Variants in KCNH7 observed in about 807,000 individuals in gnomAD.
KCNH7 encodes the protein potassium voltage-gated channel subfamily H member 7, also known as voltage-gated inwardly rectifying potassium channel KCNH7.
In KCNH7, 49 loss-of-function variants were observed where a neutral mutation model predicts 120.8. That is an observed-to-expected ratio of 0.41 (90% CI 0.32 to 0.51). The LOEUF (loss-of-function observed/expected upper bound fraction) is 0.51. Among genes scored for constraint, KCNH7 ranks in the 20% least tolerant of loss-of-function variants. The probability of loss-of-function intolerance (pLI) is 0.38; values close to 1 mark genes in which losing one functional copy is unlikely to be tolerated. For synonymous variants in KCNH7, 547 were observed against 516.1 expected (o/e 1.06, Z -0.81); for missense variants, 1,097 against 1,446.6 (o/e 0.76, Z 3.92).
intron 9 of KCNH7, among the ~76,000 whole-genome samples, chr2:162,421,749 C>A (rs1378180393): frequency 6.6e-6 from 1 of 151,934 alleles, no homozygotes; most frequent in African/African-American, 2.4e-5. Context: ...TAGAGTCAAA[C>A]AATGAAAGGT....
chr2:162,629,642 C>T (rs1281886947), intron 2 of KCNH7, among the ~76,000 whole-genome samples: 2 of 152,014 alleles, frequency 1.3e-5, no homozygotes, highest in South Asian at 2.1e-4. Flanking sequence ...GTCACCTTTG[C>T]TCACACAAGC....
chr2:162,651,092 C>G (rs149643202), intron 2 of KCNH7, among the ~76,000 whole-genome samples: 1 of 152,336 alleles, frequency 6.6e-6, no homozygotes, highest in African/African-American at 2.4e-5. Flanking sequence ...CAAAGGTATA[C>G]TGACCATTTT....
chr2:162,593,550 A>G (rs1054190819), intron 2 of KCNH7, among the ~76,000 whole-genome samples: 16 of 152,168 alleles, frequency 1.1e-4, no homozygotes, highest in African/African-American at 3.1e-4. Flanking sequence ...GCCACCTTCA[A>G]TATTGTTCTT....
intron 2 of KCNH7, among the ~76,000 whole-genome samples, chr2:162,650,458 T>C (rs1684526542): frequency 6.6e-6 from 1 of 152,176 alleles, no homozygotes; most frequent in African/African-American, 2.4e-5. Context: ...CAATATATGA[T>C]ATCTACAAAA....
chr2:162,641,090 T>C (rs1239316236), intron 2 of KCNH7, among the ~76,000 whole-genome samples: 2 of 152,122 alleles, frequency 1.3e-5, no homozygotes, highest in Non-Finnish European at 2.9e-5. Flanking sequence ...GAAGGTATAA[T>C]GATACAGCCA....
intron 8 of KCNH7, among the ~76,000 whole-genome samples, chr2:162,434,658 G>C (rs778813213): frequency 2.3e-4 from 35 of 151,520 alleles, no homozygotes; most frequent in Non-Finnish European, 4.9e-4. Context: ...CAATGACAGG[G>C]AAAATTACAT....
chr2:162,746,244 G>T (rs539175042), intron 2 of KCNH7, among the ~76,000 whole-genome samples: 158 of 152,110 alleles, frequency 1.0e-3, no homozygotes, highest in African/African-American at 3.7e-3. Context: ...ATTCACTGTG[G>T]ATTGCAGCAG....
intron 2 of KCNH7, among the ~76,000 whole-genome samples, chr2:162,598,265 C>T (rs1694443114): frequency 6.6e-6 from 1 of 152,024 alleles, no homozygotes; most frequent in African/African-American, 2.4e-5. Context: ...TCTAGTTTTT[C>T]TTTTGTAAGT....
At chr2:162,494,022 C>T (rs1417467622) in intron 6 of KCNH7, among the ~76,000 whole-genome samples, 4 of 152,088 alleles carry the variant, frequency 2.6e-5, no homozygotes, top group Non-Finnish European at 5.9e-5. Flanking sequence ...AGGTATTGAT[C>T]TGTTATTTAA....
intron 2 of KCNH7, among the ~76,000 whole-genome samples, chr2:162,746,348 T>C (rs2105420669): frequency 6.6e-6 from 1 of 152,276 alleles, no homozygotes; most frequent in South Asian, 2.1e-4. Context: ...TGGACAGTAA[T>C]GTTTTGAGTG....
At chr2:162,559,379 C>T (rs370616183) in intron 2 of KCNH7, among the ~76,000 whole-genome samples, 36 of 152,166 alleles carry the variant, frequency 2.4e-4, no homozygotes, top group Admixed American at 1.4e-3. Flanking sequence ...GAGTCAGCTG[C>T]GATCAGTAAC....
chr2:162,643,266 A>AT lies in KCNH7; in HGVS notation c.308-106187dup, dbSNP rs771854160. ...CAGGTGATGACCATTCAGACTATTG[A>AT]TTTTTTTTTTTTAGCTAGCACACTG... On this transcript the variant is annotated intron_variant, in intron 2 of 15. Coordinates refer to ENST00000332142, the MANE Select transcript of KCNH7 (RefSeq NM_033272.4). Among the ~76,000 whole-genome samples the AT allele has an allele frequency of 5.2e-3, 765 of 146,202 alleles. 1 individual carries two copies. Among genetic ancestry groups the AT allele is most frequent in the African/African-American group, 8.1e-3 (326 of 40,076 alleles).
At chr2:162,488,722 G>A (rs1170852044) in intron 6 of KCNH7, among the ~76,000 whole-genome samples, 1 of 152,194 alleles carries the variant, frequency 6.6e-6, no homozygotes, top group East Asian at 1.9e-4. Context: ...CCACTGCACT[G>A]TTTTGCAGTG....
At chr2:162,490,090 T>TTA (rs1158529831) in intron 6 of KCNH7, among the ~76,000 whole-genome samples, 1 of 152,226 alleles carries the variant, frequency 6.6e-6, no homozygotes, top group Non-Finnish European at 1.5e-5. Context: ...CCAGCTTGCT[T>TTA]TAGGCAGACA....
intron 2 of KCNH7, among the ~76,000 whole-genome samples, chr2:162,717,243 T>C (rs986719037): frequency 7.9e-5 from 12 of 152,168 alleles, no homozygotes; most frequent in African/African-American, 2.7e-4. Context: ...ACATGTAAAG[T>C]GCCATGCATG....
At chr2:162,790,642 G>C (rs1459314028) in intron 2 of KCNH7, among the ~76,000 whole-genome samples, 4 of 151,976 alleles carry the variant, frequency 2.6e-5, no homozygotes, top group Non-Finnish European at 4.4e-5. Context: ...TCATAGGAAA[G>C]TGAGATTTAC....
intron 6 of KCNH7, among the ~76,000 whole-genome samples, chr2:162,456,935 T>C (rs956322464): frequency 6.6e-5 from 10 of 152,114 alleles, no homozygotes; most frequent in African/African-American, 2.4e-4. Context: ...CTCCTTTTTT[T>C]CTTCTTGCAG....
Position 162,400,312 on chromosome 2 carries a change from T to C in KCNH7, c.2284A>G (p.Lys762Glu), listed in dbSNP as rs1269347043. Residue 762 changes from lysine to glutamate, a missense_variant, in exon 10 of 16, where the codon AAA becomes GAA. Physicochemically the swap from Lys to Glu is moderately conservative, Grantham distance 56. Around this residue, in one of 8 missense-constraint regions of KCNH7, gnomAD observed 101 missense variants for 176.3 expected, o/e 0.57. Transcript: ENST00000332142. ...TCTCCTGGAGGTGCATGGGTGGTTTTGAACTTCATTGCCAAAGCTCTAAGG... is the reference window on the plus strand; with the variant it reads ...TCTCCTGGAGGTGCATGGGTGGTTTCGAACTTCATTGCCAAAGCTCTAAGG... Reference protein sequence around the residue: ...GCLRALAMKFKTTHAPPGDTL... With the variant: ...GCLRALAMKFETTHAPPGDTL... 1 of 1,612,574 alleles carries C rather than the reference T, an allele frequency of 6.2e-7. No homozygotes were observed. The highest frequency in any genetic ancestry group is 8.5e-7 in the Non-Finnish European group (1 of 1,179,070).
intron 2 of KCNH7, among the ~76,000 whole-genome samples, chr2:162,830,614 T>A (rs1002377797): frequency 6.6e-6 from 1 of 152,170 alleles, no homozygotes; most frequent in Non-Finnish European, 1.5e-5. Flanking sequence ...GAATGTAGTG[T>A]TCCTTCAACA....
Sources: gnomAD v4.1 joint callset for allele counts (sites outside exome capture counted in the v4.1 genomes callset) on GRCh38, gnomAD v4.1.1 for gene constraint, gnomAD v4.1.1 regional missense constraint, MANE v1.5 for transcripts, NCBI Gene and HGNC (gene_info 2026-07-23, HGNC 2026-07-21) for gene names.